The following CDH17 variants were observed in gnomAD, a reference collection of about 807,000 sequenced individuals.
CDH17 encodes the protein cadherin-17.
In CDH17, 67 loss-of-function variants were observed where a neutral mutation model predicts 86.3. The ratio of observed to expected loss-of-function variants is 0.78; its 90% CI spans 0.64 to 0.95. The LOEUF is 0.95. Ranked by LOEUF, CDH17 falls within the 40% of genes least tolerant of loss-of-function variation. The pLI is 0.00. For missense variants in CDH17, 993 were observed against 1,017.6 expected, an observed-to-expected ratio of 0.98 and a Z score of 0.33; for synonymous variants, 367 against 366.4, an observed-to-expected ratio of 1.00 and a Z score of -0.02.
At chr8:94,180,015 T>C (rs886609254) in intron 3 of CDH17, among the ~76,000 whole-genome samples, 1 of 152,170 alleles carries the variant, frequency 6.6e-6, no homozygotes, top group Non-Finnish European at 1.5e-5. Context: ...CTATTTTAGA[T>C]AGATTCAAAA....
chr8:94,136,579 T>C (rs1812532106), intron 15 of CDH17, among the ~76,000 whole-genome samples: 1 of 152,158 alleles, frequency 6.6e-6, no homozygotes, highest in African/African-American at 2.4e-5. Context: ...TTGCGTTGGG[T>C]TCAAATGTGC....
intron 15 of CDH17, among the ~76,000 whole-genome samples, chr8:94,131,947 G>A (rs1812429604): frequency 6.6e-6 from 1 of 152,050 alleles, no homozygotes; most frequent in South Asian, 2.1e-4. Context: ...ATGTCCTTGT[G>A]ATAGTTTGCT....
intron 7 of CDH17, among the ~76,000 whole-genome samples, chr8:94,172,166 T>C (rs1311126393): frequency 1.3e-5 from 2 of 151,680 alleles, no homozygotes; most frequent in Admixed American, 1.3e-4. Flanking sequence ...TAAGCATGAG[T>C]TCTTTGCAGC....
intron 3 of CDH17, among the ~76,000 whole-genome samples, chr8:94,180,401 A>G (rs1229715071): frequency 1.3e-5 from 2 of 152,224 alleles, no homozygotes; most frequent in Admixed American, 1.3e-4. Context: ...AAATTTAAGA[A>G]AAACATGAAT....
At chr8:94,135,997 C>T (rs187437484) in intron 15 of CDH17, among the ~76,000 whole-genome samples, 1 of 152,342 alleles carries the variant, frequency 6.6e-6, no homozygotes, top group African/African-American at 2.4e-5. Context: ...TCTCTTCTGG[C>T]TTGTAGGGTT....
At chr8:94,128,830 CT>C (rs942276275) in intron 17 of CDH17, among the ~76,000 whole-genome samples, 1 of 152,118 alleles carries the variant, frequency 6.6e-6, no homozygotes, top group African/African-American at 2.4e-5. Flanking sequence ...ATCGCATTTC[CT>C]TGGGCGCCTT....
At position 94,131,006 on chromosome 8, in the gene CDH17, A is replaced by G. The variant is rs1812405636; in HGVS notation, c.2168-14T>C. ...GGGCATGAGTACCTGCCAGGACAGGAAAAAAAAATGAAAATACAACTTCAG... is the reference window on the plus strand; with the variant it reads ...GGGCATGAGTACCTGCCAGGACAGGGAAAAAAAATGAAAATACAACTTCAG... On this transcript the variant is annotated splice_polypyrimidine_tract_variant and intron_variant, in intron 15 of 17. Coordinates refer to ENST00000027335, the MANE Select transcript of CDH17 (RefSeq NM_004063.4). 3.2e-6 allele frequency: 4 copies of G among 1,259,242 alleles called. No individual in the cohort carries two copies. The highest frequency in any genetic ancestry group is 1.3e-5 in the South Asian group (1 of 79,834). The allele number at this position is 1,259,242 out of a possible 1,614,324, so 78.0% of individuals were successfully genotyped here. A position where few individuals can be genotyped will look rare whatever the true frequency, so the allele number is the denominator to read the frequency against.
intron 15 of CDH17, among the ~76,000 whole-genome samples, chr8:94,143,482 A>G (rs920468515): frequency 2.6e-5 from 4 of 152,190 alleles, no homozygotes; most frequent in African/African-American, 7.2e-5. Context: ...CACCAGCTGC[A>G]TTAGCCCTAA....
intron 7 of CDH17, 36 bp from the exon 8 acceptor site, chr8:94,171,021 A>G: frequency 6.3e-7 from 1 of 1,588,358 alleles, no homozygotes; most frequent in Non-Finnish European, 8.6e-7. Flanking sequence ...GGAAAGCTGT[A>G]TTTGGACTGA....
chr8:94,191,866 C>T (rs1813697050), intron 2 of CDH17, among the ~76,000 whole-genome samples: 1 of 152,224 alleles, frequency 6.6e-6, no homozygotes, highest in African/African-American at 2.4e-5. Context: ...TCCTTTTCCA[C>T]ATCTTTTCCT....
chr8:94,204,661 C>A (rs1345563026), intron 1 of CDH17, among the ~76,000 whole-genome samples: 1 of 152,084 alleles, frequency 6.6e-6, no homozygotes, highest in Admixed American at 6.6e-5. Flanking sequence ...GGTATATACC[C>A]AGTAATGGGA....
chr8:94,196,269 T>C (rs1403559534), intron 1 of CDH17, among the ~76,000 whole-genome samples: 2 of 152,234 alleles, frequency 1.3e-5, no homozygotes, highest in Non-Finnish European at 2.9e-5. Context: ...AAATTTTACA[T>C]GCCCTACATT....
intron 12 of CDH17, among the ~76,000 whole-genome samples, chr8:94,154,149 C>G (rs1409165325): frequency 6.6e-6 from 1 of 152,050 alleles, no homozygotes; most frequent in Non-Finnish European, 1.5e-5. Flanking sequence ...CAATTTTTGT[C>G]AATTATAAAC....
At chr8:94,199,025 G>A (rs970322089) in intron 1 of CDH17, among the ~76,000 whole-genome samples, 19 of 134,320 alleles carry the variant, frequency 1.4e-4, no homozygotes, top group Non-Finnish European at 2.4e-4. Flanking sequence ...TCCTCTCAGA[G>A]CCAGTTCTGA....
chr8:94,130,810 A>G, intron 16 of CDH17, 66 bp downstream of exon 16: 1 of 1,504,294 alleles, frequency 6.6e-7, no homozygotes, highest in South Asian at 1.1e-5. Flanking sequence ...TATCAAAGAC[A>G]AGAATCTCCT....
rs1454521084 is a variant in CDH17, at chr8:94,146,118, A to G, written c.1977T>C (p.Asp659=). The G allele has an allele frequency of 1.2e-6, 2 of 1,609,606 alleles. No individual in the cohort carries two copies. The highest frequency in any genetic ancestry group is 2.2e-5 in the East Asian group (1 of 44,782). The change falls in exon 15 of 18, where the codon GAT becomes GAC. Residue 659 remains aspartate (D), a synonymous_variant. Transcript: ENST00000027335. The part of the protein sequence containing the change: ...SVSEFHLILM[D]VNDNPPRLAK... ...CTAGCCTGGGAGGGTTGTCATTCACATCCATAAGGATCAGGTGGAACTCTG... is the reference window on the plus strand; with the variant it reads ...CTAGCCTGGGAGGGTTGTCATTCACGTCCATAAGGATCAGGTGGAACTCTG...
At chr8:94,189,676 A>C (rs1308296227) in intron 2 of CDH17, among the ~76,000 whole-genome samples, 1 of 152,218 alleles carries the variant, frequency 6.6e-6, no homozygotes, top group African/African-American at 2.4e-5. Flanking sequence ...CTCCAGCTTC[A>C]TAAAACACCT....
chr8:94,141,767 T>A (rs1812642923), intron 15 of CDH17, among the ~76,000 whole-genome samples: 3 of 152,196 alleles, frequency 2.0e-5, no homozygotes, highest in Non-Finnish European at 4.4e-5. Flanking sequence ...TGTTCATGAA[T>A]TGGAAGACTT....
At chr8:94,128,880 T>TAGAC (rs1563561101) in intron 17 of CDH17, among the ~76,000 whole-genome samples, 1 of 152,136 alleles carries the variant, frequency 6.6e-6, no homozygotes, top group Non-Finnish European at 1.5e-5. Flanking sequence ...GGACCCTGGG[T>TAGAC]AGACTACTTA....
Sources: gnomAD v4.1 joint callset for allele counts (sites outside exome capture counted in the v4.1 genomes callset) on GRCh38, gnomAD v4.1.1 for gene constraint, MANE v1.5 for transcripts, NCBI Gene and HGNC (gene_info 2026-07-23, HGNC 2026-07-21) for gene names.